The following CAMK4 variants were observed in gnomAD, a reference collection of about 807,000 sequenced individuals.
CAMK4 encodes the protein calcium/calmodulin-dependent protein kinase type IV.
CAMK4 carries 22 observed loss-of-function variants against 44.9 expected under a neutral mutation model. That is an observed-to-expected ratio of 0.49 (90% CI 0.35 to 0.70). The LOEUF is 0.70. CAMK4 is among the 30% of genes least tolerant of loss of function. The pLI, the probability that CAMK4 is intolerant of heterozygous loss-of-function variation, is 0.01. For missense variants in CAMK4, 498 were observed against 586.8 expected (o/e 0.85, Z 1.56); for synonymous variants, 218 against 215.4 (o/e 1.01, Z -0.11).
intron 1 of CAMK4, among the ~76,000 whole-genome samples, chr5:111,253,855 C>T (rs1207171146): frequency 3.3e-5 from 5 of 152,128 alleles, no homozygotes; most frequent in African/African-American, 1.2e-4. Context: ...CTGTCATTAT[C>T]AGCTTCATTT....
intron 1 of CAMK4, among the ~76,000 whole-genome samples, chr5:111,308,369 T>C (rs1012550444): frequency 1.3e-5 from 2 of 152,172 alleles, no homozygotes; most frequent in African/African-American, 4.8e-5. Flanking sequence ...GAAATCCAAA[T>C]ATATAAAACA....
chr5:111,345,826 C>T (rs955137835), intron 2 of CAMK4, among the ~76,000 whole-genome samples: 2 of 151,974 alleles, frequency 1.3e-5, no homozygotes, highest in African/African-American at 4.8e-5. Context: ...TTCGTCCTTA[C>T]TGTCTTCTCG....
At position 111,389,638 on chromosome 5, in the gene CAMK4, GTAAAGCTC is replaced by G. The variant is rs537510337; in HGVS notation, c.387-5069_387-5062del. ...GGAAAAGTACTGCAAAGCAGCTGTG[GTAAAGCTC>G]TAGCCTGGGTGAGTGACTATGGGGA... On this transcript the variant is annotated intron_variant, in intron 4 of 10. Coordinates refer to ENST00000282356, the MANE Select transcript of CAMK4 (RefSeq NM_001744.6). 9.8e-5 allele frequency among the ~76,000 whole-genome samples: 15 copies of G among 152,302 alleles called. No individual in the cohort carries two copies. The South Asian group carries it at 2.9e-3, about 29-fold the overall frequency.
In CAMK4 at chr5:111,488,618, G is replaced by T. The variant is rs1755713621; in HGVS notation, c.*4152G>T. ...TTTGTTTCATAAATCAGTTTTTATT[G>T]CACAGAAGCAGCTGGTTGTATTTCA... On this transcript the variant is annotated 3_prime_UTR_variant, in exon 11 of 11. Coordinates refer to ENST00000282356, the MANE Select transcript of CAMK4 (RefSeq NM_001744.6). The T allele has an allele frequency of 6.6e-6, 1 of 152,150 alleles. No homozygotes were observed. Among genetic ancestry groups the T allele is most frequent in the African/African-American group, 2.4e-5 (1 of 41,438 alleles). 9.4% of individuals were successfully genotyped at this position (152,150 alleles called of 1,614,324 possible).
chr5:111,388,808 C>T (rs1005578301), intron 4 of CAMK4, among the ~76,000 whole-genome samples: 1 of 152,114 alleles, frequency 6.6e-6, no homozygotes, highest in Non-Finnish European at 1.5e-5. Flanking sequence ...TGGAATGCAT[C>T]CTCTGGTTAA....
At chr5:111,410,635 G>T (rs181505031) in intron 5 of CAMK4, among the ~76,000 whole-genome samples, 1 of 152,242 alleles carries the variant, frequency 6.6e-6, no homozygotes, top group Non-Finnish European at 1.5e-5. Context: ...AGGGAATAAA[G>T]TTCTGTTTTG....
intron 1 of CAMK4, among the ~76,000 whole-genome samples, chr5:111,326,869 G>A (rs1223382525): frequency 6.6e-6 from 1 of 151,858 alleles, no homozygotes; most frequent in Non-Finnish European, 1.5e-5. Context: ...ATAGGGTTGT[G>A]CATGGACCAA....
chr5:111,233,414 C>A (rs1748565150), intron 1 of CAMK4, among the ~76,000 whole-genome samples: 1 of 152,142 alleles, frequency 6.6e-6, no homozygotes, highest in African/African-American at 2.4e-5. Context: ...CTTTCTTCCT[C>A]CTATTTCTTT....
chr5:111,439,123 G>A (rs1219719291), intron 5 of CAMK4, among the ~76,000 whole-genome samples: 1 of 152,020 alleles, frequency 6.6e-6, no homozygotes, highest in East Asian at 1.9e-4. Context: ...CTCGCCCCTC[G>A]AGAGTTTGTG....
intron 1 of CAMK4, among the ~76,000 whole-genome samples, chr5:111,266,392 T>C (rs1178470489): frequency 6.6e-6 from 1 of 152,178 alleles, no homozygotes; most frequent in Non-Finnish European, 1.5e-5. Context: ...GGGGAATAGA[T>C]TTTTTGCTTT....
chr5:111,416,004 G>T (rs527520361), intron 5 of CAMK4, among the ~76,000 whole-genome samples: 23 of 152,264 alleles, frequency 1.5e-4, no homozygotes, highest in African/African-American at 5.5e-4. Context: ...ATCACTGAAT[G>T]TTGGTGTCTG....
intron 10 of CAMK4, among the ~76,000 whole-genome samples, chr5:111,483,733 G>A (rs938726945): frequency 2.0e-5 from 3 of 152,020 alleles, no homozygotes; most frequent in Non-Finnish European, 4.4e-5. Flanking sequence ...CAAATACACC[G>A]GGAAACACAG....
intron 2 of CAMK4, among the ~76,000 whole-genome samples, chr5:111,362,668 A>G (rs1330949258): frequency 3.3e-5 from 5 of 152,002 alleles, no homozygotes. Flanking sequence ...CATGAATCTT[A>G]AAAAATAATT....
intron 2 of CAMK4, among the ~76,000 whole-genome samples, chr5:111,354,184 C>T (rs116686967): frequency 1.1e-4 from 16 of 151,868 alleles, no homozygotes; most frequent in African/African-American, 3.9e-4. Context: ...ATGCTGGACA[C>T]AAAGTCAAAT....
At chr5:111,303,745 C>G (rs1309629895) in intron 1 of CAMK4, among the ~76,000 whole-genome samples, 1 of 148,678 alleles carries the variant, frequency 6.7e-6, no homozygotes, top group Admixed American at 6.6e-5. Flanking sequence ...ATACAGAGAA[C>G]GCCACAGAGA....
chr5:111,280,710 T>C (rs1303294815), intron 1 of CAMK4, among the ~76,000 whole-genome samples: 2 of 152,182 alleles, frequency 1.3e-5, no homozygotes, highest in African/African-American at 4.8e-5. Flanking sequence ...TTTAAACAGA[T>C]GGTAACTGTG....
Position 111,376,894 on chromosome 5 carries a change from A to T in CAMK4, c.338A>T (p.Glu113Val). 6.2e-7 allele frequency: 1 copy of T among 1,606,928 alleles called. No homozygotes were observed. The highest frequency in any genetic ancestry group is 1.1e-5 in the South Asian group (1 of 90,522). ...KLKEIFETPT[E>V]ISLVLELVTG... ...AAAGAGATATTTGAAACCCCTACAG[A>T]AATCAGTCTGGTCCTAGAACTCGTC... The change falls in exon 4 of 11, where the codon GAA (glutamate) becomes GTA (valine). Residue 113 changes from glutamate (E) to valine (V), a missense_variant. Glu to Val is a moderately radical substitution (Grantham distance 121). Transcript: ENST00000282356.
chr5:111,454,647 C>CAAAAAAAAAAA, intron 7 of CAMK4, among the ~76,000 whole-genome samples: 1 of 114,566 alleles, frequency 8.7e-6, no homozygotes, highest in Non-Finnish European at 1.7e-5. Context: ...GTCACACAGA[C>CAAAAAAAAAAA]AAAAAAAAAA....
chr5:111,331,901 G>C (rs563459139), intron 1 of CAMK4, among the ~76,000 whole-genome samples: 2 of 151,354 alleles, frequency 1.3e-5, no homozygotes, highest in South Asian at 4.2e-4. Context: ...TTCATATTAT[G>C]TTTTAAGTTC....
Sources: allele counts gnomAD v4.1 joint callset (sites outside exome capture counted in the v4.1 genomes callset), GRCh38; gene constraint gnomAD v4.1.1; transcripts MANE v1.5; gene names NCBI Gene and HGNC (gene_info 2026-07-23, HGNC 2026-07-21).